STUM: variants seen among roughly 807,000 people sequenced by gnomAD.
STUM encodes protein stum homolog.
STUM carries 8 observed loss-of-function variants against 15.3 expected under a neutral mutation model. The ratio of observed to expected loss-of-function variants is 0.52; its 90% CI spans 0.31 to 0.94. The LOEUF (loss-of-function observed/expected upper bound fraction) is 0.94. STUM is among the 40% of genes least tolerant of loss of function. The pLI, the probability that STUM is intolerant of heterozygous loss-of-function variation, is 0.05. For synonymous variants in STUM, 78 were observed against 88.7 expected, an observed-to-expected ratio of 0.88 and a Z score of 0.68; for missense variants, 142 against 204.9, an observed-to-expected ratio of 0.69 and a Z score of 1.87.
At chr1:226,553,922 A>G (rs2102684782) in intron 1 of STUM, among the ~76,000 whole-genome samples, 1 of 150,894 alleles carries the variant, frequency 6.6e-6, no homozygotes, top group Middle Eastern at 3.4e-3. Flanking sequence ...AAGAAGAGAG[A>G]AGAGGAACTG....
chr1:226,578,194 C>T (rs886225479), intron 1 of STUM, among the ~76,000 whole-genome samples: 8 of 152,042 alleles, frequency 5.3e-5, no homozygotes, highest in African/African-American at 1.9e-4. Context: ...TACGCGTCAT[C>T]ATGGTCATGT....
intron 1 of STUM, among the ~76,000 whole-genome samples, chr1:226,562,402 T>G (rs1301127190): frequency 2.0e-5 from 3 of 149,576 alleles, no homozygotes; most frequent in Non-Finnish European, 3.0e-5. Flanking sequence ...CCAGGAGGCA[T>G]AGGTTGCAGT....
intron 1 of STUM, among the ~76,000 whole-genome samples, chr1:226,573,680 A>C (rs1320863097): frequency 2.6e-5 from 4 of 152,130 alleles, no homozygotes; most frequent in African/African-American, 9.7e-5. Flanking sequence ...GTGTATATTG[A>C]AGGTGTACAG....
rs115733203 is a variant in STUM, at chr1:226,567,715, G to A, written c.202+18609G>A. 0.012 allele frequency among the ~76,000 whole-genome samples: 1,802 copies of A among 152,304 alleles called. 25 individuals are homozygous for A. Among genetic ancestry groups the A allele is most frequent in the African/African-American group, 0.04 (1,665 of 41,550 alleles). ...CAAATAAAAGCATTTAAAAGTGGAA[G>A]CGTGCCAGCGTGAGATGGATGATTC... On this transcript the variant is annotated intron_variant, in intron 1 of 3. Coordinates refer to ENST00000366788, the MANE Select transcript of STUM (RefSeq NM_001003665.4). This position sits in a 1 kb window ranked among gnomAD's most constrained non-coding sequence, Gnocchi z 4.5.
At chr1:226,589,739 G>A (rs990743531) in intron 1 of STUM, among the ~76,000 whole-genome samples, 1 of 69,152 alleles carries the variant, frequency 1.4e-5, no homozygotes, top group Non-Finnish European at 3.1e-5. Context: ...CATGCGCAGG[G>A]CCAGCCTCAG....
At chr1:226,579,234 C>T (rs1024605801) in intron 1 of STUM, among the ~76,000 whole-genome samples, 4 of 152,180 alleles carry the variant, frequency 2.6e-5, no homozygotes, top group Non-Finnish European at 4.4e-5. Context: ...ATCTTGGCAG[C>T]ATGGTGGAGA....
In STUM at chr1:226,565,295, G is replaced by T. The variant is rs190451538; in HGVS notation, c.202+16189G>T. 5.3e-5 allele frequency among the ~76,000 whole-genome samples: 8 copies of T among 152,232 alleles called. No individual in the cohort carries two copies. The highest frequency in any genetic ancestry group is 2.1e-4 in the South Asian group (1 of 4,828). The stretch of plus-strand genomic sequence containing the variant: ...TACCAGCATTTCAGCCTCCCATCCT[G>T]CCCAGACCTCTGTGTATAGTTCCTT... On this transcript the variant is annotated intron_variant, in intron 1 of 3. Coordinates refer to ENST00000366788, the MANE Select transcript of STUM (RefSeq NM_001003665.4). This position sits in a 1 kb window ranked among gnomAD's most constrained non-coding sequence, Gnocchi z 4.4.
Position 226,603,197 on chromosome 1 carries a change from A to T in STUM, c.*1157A>T, listed in dbSNP as rs1231536907. ...ATCTGAAAATCCTGCTTGCAAACAGATGTGTTAGAGGGTGAAATTGTCGGC... is the reference window on the plus strand; with the variant it reads ...ATCTGAAAATCCTGCTTGCAAACAGTTGTGTTAGAGGGTGAAATTGTCGGC... On this transcript the variant is annotated 3_prime_UTR_variant, in exon 4 of 4. Coordinates refer to ENST00000366788, the MANE Select transcript of STUM (RefSeq NM_001003665.4). 2 of 152,124 alleles carry T rather than the reference A, an allele frequency of 1.3e-5. No individual in the cohort carries two copies. The highest frequency in any genetic ancestry group is 4.8e-5 in the African/African-American group (2 of 41,392). 9.4% of individuals were successfully genotyped at this position (152,124 alleles called of 1,614,324 possible). A position where few individuals can be genotyped will look rare whatever the true frequency, so the allele number is the denominator to read the frequency against.
rs1463210907 is a variant in STUM, at chr1:226,549,296, A to T, written c.202+190A>T. Among the ~76,000 whole-genome samples, 2 of 152,072 alleles carry T rather than the reference A, an allele frequency of 1.3e-5. No individual in the cohort carries two copies. Among genetic ancestry groups the T allele is most frequent in the Non-Finnish European group, 2.9e-5 (2 of 68,014 alleles). On this transcript the variant is annotated intron_variant, in intron 1 of 3. Coordinates refer to ENST00000366788, the MANE Select transcript of STUM (RefSeq NM_001003665.4). The surrounding 1 kb of genome is among the most constrained non-coding windows in gnomAD (Gnocchi z 6.8). ...GCGTGGAGTGTGCACCCCAGAGGGG[A>T]GAGGCTGCGCTGGGGTCTCCGACCC...
Position 226,605,936 on chromosome 1 carries a change from C to G in STUM, c.*3896C>G, listed in dbSNP as rs1260764347. On this transcript the variant is annotated 3_prime_UTR_variant, in exon 4 of 4. Transcript: ENST00000366788. This position sits in a 1 kb window ranked among gnomAD's most constrained non-coding sequence, Gnocchi z 4.0. ...CTGCCAGCCAGGGGCTCCAGCCATG[C>G]TGGCACAGGCATCTCAGAGGTGTGA... 6.6e-6 allele frequency: 1 copy of G among 152,248 alleles called. No individual in the cohort carries two copies. The highest frequency in any genetic ancestry group is 1.5e-5 in the Non-Finnish European group (1 of 68,076). 9.4% of individuals were successfully genotyped at this position (152,248 alleles called of 1,614,324 possible).
intron 1 of STUM, among the ~76,000 whole-genome samples, chr1:226,583,922 C>T (rs185004957): frequency 6.6e-6 from 1 of 152,286 alleles, no homozygotes; most frequent in East Asian, 1.9e-4. Context: ...TATTCTTCTT[C>T]CCCCTCCATT....
At chr1:226,599,071 TC>T (rs1270233636) in intron 2 of STUM, among the ~76,000 whole-genome samples, 2 of 152,124 alleles carry the variant, frequency 1.3e-5, no homozygotes, top group Non-Finnish European at 2.9e-5. Context: ...CTCGTGAGAC[TC>T]ATTCACTATC....
At chr1:226,578,844 C>T (rs983336616) in intron 1 of STUM, among the ~76,000 whole-genome samples, 2 of 152,178 alleles carry the variant, frequency 1.3e-5, no homozygotes, top group African/African-American at 4.8e-5. Flanking sequence ...CCCTCACACC[C>T]CAGGGTTTTC....
At chr1:226,556,207 CAAT>C (rs758453223) in intron 1 of STUM, among the ~76,000 whole-genome samples, 85 of 152,156 alleles carry the variant, frequency 5.6e-4, no homozygotes, top group Non-Finnish European at 9.0e-4. Context: ...GTTTGTGTCT[CAAT>C]AAAGTGTAGA....
At chr1:226,595,158 G>A (rs1395879533) in intron 1 of STUM, among the ~76,000 whole-genome samples, 1 of 152,242 alleles carries the variant, frequency 6.6e-6, no homozygotes, top group Non-Finnish European at 1.5e-5. Context: ...TCCCCAGGGG[G>A]CCGCTGGTGT....
chr1:226,601,419 C>T (rs1273859184), intron 3 of STUM, among the ~76,000 whole-genome samples: 2 of 152,212 alleles, frequency 1.3e-5, no homozygotes, highest in Non-Finnish European at 2.9e-5. Context: ...AACACAATAC[C>T]CTTTCACACC....
Position 226,548,777 on chromosome 1 carries a change from C to CGCACGGA in STUM, c.-121_-115dup. 1.4e-6 allele frequency: 1 copy of CGCACGGA among 718,314 alleles called. No homozygotes were observed. The highest frequency in any genetic ancestry group is 1.9e-6 in the Non-Finnish European group (1 of 534,322). The allele number at this position is 718,314 out of a possible 1,614,324, so 44.5% of individuals were successfully genotyped here. ...GCGGGAGTCTCCGCGAGCCGCGCGG[C>CGCACGGA]GCACGGAGCACGGCGGCCGCCTGAG... On this transcript the variant is annotated 5_prime_UTR_variant, in exon 1 of 4. Coordinates refer to ENST00000366788, the MANE Select transcript of STUM (RefSeq NM_001003665.4).
At chr1:226,579,720 C>A (rs1667888765) in intron 1 of STUM, among the ~76,000 whole-genome samples, 1 of 151,280 alleles carries the variant, frequency 6.6e-6, no homozygotes, top group East Asian at 1.9e-4. Context: ...CCTTGAACTC[C>A]TGGGCTCAAT....
At chr1:226,599,395 T>C (rs55755259) in intron 2 of STUM, among the ~76,000 whole-genome samples, 42,772 of 152,202 alleles carry the variant, frequency 0.28, 6,548 homozygotes, top group Middle Eastern at 0.45. Flanking sequence ...ATAGGTGGGA[T>C]TACTCCCAGC....
Sources: allele counts gnomAD v4.1 joint callset (sites outside exome capture counted in the v4.1 genomes callset), GRCh38; gene constraint gnomAD v4.1.1; non-coding constraint Gnocchi (gnomAD v3.1); transcripts MANE v1.5; gene names NCBI Gene and HGNC (gene_info 2026-07-23, HGNC 2026-07-21).